NCOR2: variants seen among roughly 807,000 people sequenced by gnomAD.
NCOR2 encodes the protein nuclear receptor corepressor 2.
A neutral mutation model predicts 262.9 loss-of-function variants in NCOR2; 81 were observed. The observed-to-expected ratio is 0.31, with a 90% CI of 0.26 to 0.37. NCOR2 has a LOEUF of 0.37. Ranked by LOEUF, NCOR2 falls within the 10% of genes least tolerant of loss-of-function variation. The probability of loss-of-function intolerance (pLI) is 1.00; values close to 1 mark genes in which losing one functional copy is unlikely to be tolerated. For synonymous variants in NCOR2, 1,659 were observed against 1,559.3 expected, an observed-to-expected ratio of 1.06 and a Z score of -1.51; for missense variants, 3,385 against 3,621.4, an observed-to-expected ratio of 0.93 and a Z score of 1.68.
chr12:124,438,778 CAGAGAG>C (rs56072801), intron 7 of NCOR2, among the ~76,000 whole-genome samples: 1,888 of 58,646 alleles, frequency 0.032, 3 homozygotes, highest in East Asian at 0.038. Context: ...CCCAGAGAGA[CAGAGAG>C]AGAGAGAGAG....
chr12:124,492,006 GGTCCAGGCCTCT>G (rs2048107776), intron 1 of NCOR2, among the ~76,000 whole-genome samples: 1 of 152,176 alleles, frequency 6.6e-6, no homozygotes. Flanking sequence ...ATGGTCTCAG[GGTCCAGGCCTCT>G]GTCTGCAAGC....
At chr12:124,495,256 G>T, upstream of NCOR2, 1 of 1,610,698 alleles carries the variant, frequency 6.2e-7, no homozygotes, top group South Asian at 1.1e-5. This position sits in a 1 kb window ranked among gnomAD's most constrained non-coding sequence, Gnocchi z 4.4. Context: ...CGACATGGTG[G>T]TGGGGGTCGG....
chr12:124,453,631 G>A (rs1431690984), intron 6 of NCOR2, among the ~76,000 whole-genome samples: 2 of 152,228 alleles, frequency 1.3e-5, no homozygotes, highest in African/African-American at 2.4e-5. Context: ...AGTCCCAGGC[G>A]GCCTGAGCTG....
At chr12:124,534,274 T>A (rs1054057873) in intron 1 of NCOR2, among the ~76,000 whole-genome samples, 1 of 152,120 alleles carries the variant, frequency 6.6e-6, no homozygotes, top group Non-Finnish European at 1.5e-5. Context: ...CTGGCCAACA[T>A]GGCGAAACCC....
rs965528518 is a variant in NCOR2, at chr12:124,443,486, T to TTTAC, written c.816-5491_816-5490insGTAA. Among the ~76,000 whole-genome samples, 8 of 123,310 alleles carry TTTAC rather than the reference T, an allele frequency of 6.5e-5. No homozygotes were observed. The highest frequency in any genetic ancestry group is 3.0e-4 in the South Asian group (1 of 3,290). 80.9% of individuals were successfully genotyped at this position (123,310 alleles called of 152,430 possible). ...AGGGTGTTGTGTTGGGCTGTGGTGC[T>TTTAC]TTATTTATTTATTTTTTATTTTTTA... On this transcript the variant is annotated intron_variant, in intron 7 of 46. Transcript: ENST00000405201. The surrounding 1 kb of genome is among the most constrained non-coding windows in gnomAD (Gnocchi z 4.4).
intron 41 of NCOR2, 180 bp downstream of exon 43, chr12:124,334,244 A>G: frequency 1.9e-6 from 1 of 519,832 alleles, no homozygotes; most frequent in Non-Finnish European, 3.4e-6. Flanking sequence ...TTCATCAGCT[A>G]TTATTCGTTA....
intron 25 of NCOR2, 121 bp from the exon 28 acceptor site, chr12:124,354,703 G>A (rs1838934550): frequency 7.7e-7 from 1 of 1,298,632 alleles, no homozygotes; most frequent in South Asian, 1.5e-5. Context: ...GTTCCAGCCA[G>A]GGCTGCTGAG....
intron 17 of NCOR2, among the ~76,000 whole-genome samples, chr12:124,381,779 G>A (rs1314895607): frequency 2.0e-5 from 3 of 152,188 alleles, no homozygotes; most frequent in Non-Finnish European, 2.9e-5. Context: ...AGGCTGAGGC[G>A]GACAGAGACT....
chr12:124,344,094 C>A (rs1031165049), intron 32 of NCOR2, among the ~76,000 whole-genome samples: 5 of 152,140 alleles, frequency 3.3e-5, no homozygotes, highest in Admixed American at 6.5e-5. Context: ...AGAGGAGGAG[C>A]CACGCAAAGG....
At chr12:124,422,142 C>T (rs950450651) in intron 12 of NCOR2, among the ~76,000 whole-genome samples, 1 of 152,238 alleles carries the variant, frequency 6.6e-6, no homozygotes, top group Non-Finnish European at 1.5e-5. Context: ...CTTCCAGAAT[C>T]CACCCCCAGT....
At position 124,333,182 on chromosome 12, in the gene NCOR2, G is replaced by A. The variant is rs753999562; in HGVS notation, c.6703C>T (p.Arg2235Trp). 2.4e-5 allele frequency: 38 copies of A among 1,612,874 alleles called. No individual in the cohort carries two copies. Among genetic ancestry groups the A allele is most frequent in the East Asian group, 1.3e-4 (6 of 44,862 alleles). ...TACAGCAGCGGGTACACAGCACTCC[G>A]GGAGTGCCCTGGCTCCGTCATGCCC... is the stretch of plus-strand genomic sequence containing the variant. The change falls in exon 42 of 47, where the codon CGG becomes TGG. Residue 2235 changes from arginine to tryptophan, a missense_variant. Physicochemically the swap from Arg to Trp is moderately radical, Grantham distance 101. Coordinates refer to ENST00000405201, the Ensembl canonical transcript of NCOR2.
rs142906264 is a variant in NCOR2, at chr12:124,360,918, C to T, written c.3100+1208G>A. ...GTTCCCTGGTTTAACATCCTCCTCA[C>T]TCAAAACAACAGCAGCTCCCCAGAG... On this transcript the variant is annotated intron_variant, in intron 22 of 46. Coordinates refer to ENST00000405201, the Ensembl canonical transcript of NCOR2. Among the ~76,000 whole-genome samples, 430 of 152,302 alleles carry T rather than the reference C, an allele frequency of 2.8e-3. 2 individuals are homozygous for T. The highest frequency in any genetic ancestry group is 9.9e-3 in the African/African-American group (412 of 41,554).
rs1566005238 is a variant in NCOR2 at position 124,503,709 on chromosome 12, T to TGGATGGAC, written c.-117-8342_-117-8341insGTCCATCC. On this transcript the variant is annotated intron_variant, in intron 1 of 46. Coordinates refer to the NCOR2 transcript ENST00000404621. The surrounding 1 kb of genome is among the most constrained non-coding windows in gnomAD (Gnocchi z 4.3). ...ATGGATGGATGGATGGATGGATGGA[T>TGGATGGAC]GGACAGACGAATGGATGGATGGATG... 2.3e-4 allele frequency among the ~76,000 whole-genome samples: 33 copies of TGGATGGAC among 146,600 alleles called. No homozygotes were observed. The South Asian group carries it at 6.5e-3, about 29-fold the overall frequency.
chr12:124,495,415 T>G, upstream of NCOR2: 1 of 1,369,770 alleles, frequency 7.3e-7, no homozygotes. The surrounding 1 kb of genome is among the most constrained non-coding windows in gnomAD (Gnocchi z 4.4). Context: ...ACGGGGCAGC[T>G]GGCTCCTCCG....
rs74722593 is a variant in NCOR2, at chr12:124,491,206, T to C, written c.105+3941A>G. On this transcript the variant is annotated intron_variant, in intron 1 of 46. Coordinates refer to ENST00000405201, the Ensembl canonical transcript of NCOR2. Reference sequence around the variant, plus strand: ...CCTGCCCTAGGGGCAAAGCCCAAAGTGTACCCTTGGGGCAAGACAGAAAAA... The same window carrying C: ...CCTGCCCTAGGGGCAAAGCCCAAAGCGTACCCTTGGGGCAAGACAGAAAAA... Among the ~76,000 whole-genome samples, 985 of 152,372 alleles carry C rather than the reference T, an allele frequency of 6.5e-3. 11 individuals carry two copies. Among genetic ancestry groups the C allele is most frequent in the African/African-American group, 0.023 (952 of 41,590 alleles).
intron 20 of NCOR2, among the ~76,000 whole-genome samples, chr12:124,367,109 T>C (rs1020181429): frequency 4.6e-5 from 7 of 152,214 alleles, no homozygotes; most frequent in African/African-American, 7.2e-5. Flanking sequence ...CACTGTCCCA[T>C]GCAGTCTGCC....
intron 19 of NCOR2, 33 bp from the exon 22 acceptor site, chr12:124,372,643 AGGGTCTGGCGGGG>A: frequency 6.4e-7 from 1 of 1,573,226 alleles, no homozygotes; most frequent in Non-Finnish European, 8.6e-7. Context: ...GGGGATGAGC[AGGGTCTGGCGGGG>A]CCTCCAGAAG....
At chr12:124,441,176 G>A (rs1270511851) in intron 7 of NCOR2, among the ~76,000 whole-genome samples, 1 of 152,318 alleles carries the variant, frequency 6.6e-6, no homozygotes, top group Non-Finnish European at 1.5e-5. Flanking sequence ...CAGAAACCGC[G>A]CTGCCCGGGC....
exon 26 of NCOR2, chr12:124,354,542 C>A: frequency 1.9e-6 from 3 of 1,598,394 alleles, no homozygotes; most frequent in East Asian, 2.2e-5. Context: ...CAGCCTGGCC[C>A]CGTGGGGACA....
Sources: gnomAD v4.1 joint callset for allele counts (sites outside exome capture counted in the v4.1 genomes callset) on GRCh38, gnomAD v4.1.1 for gene constraint, Gnocchi (gnomAD v3.1) non-coding constraint, MANE v1.5 for transcripts, NCBI Gene and HGNC (gene_info 2026-07-23, HGNC 2026-07-21) for gene names.